MRTFB: variants seen among roughly 807,000 people sequenced by gnomAD.
The protein encoded by MRTFB is myocardin-related transcription factor B.
A neutral mutation model predicts 104.2 loss-of-function variants in MRTFB; 29 were observed. The ratio of observed to expected loss-of-function variants is 0.28; its 90% CI spans 0.21 to 0.38. The LOEUF is 0.38. MRTFB is among the 10% of genes least tolerant of loss of function. The pLI is 1.00. For missense variants in MRTFB, 1,270 were observed against 1,341.6 expected (o/e 0.95, Z 0.83); for synonymous variants, 535 against 519.5 (o/e 1.03, Z -0.41).
At chr16:14,065,327 G>A in the MRTFB span, among the ~76,000 whole-genome samples, 1 of 152,146 alleles carries the variant, frequency 6.6e-6, no homozygotes, top group African/African-American at 2.4e-5. Context: ...AAACTGTGCT[G>A]GAGCTGTTAA....
At chr16:14,158,438 G>C (rs1012789701) in intron 3 of MRTFB, among the ~76,000 whole-genome samples, 1 of 152,132 alleles carries the variant, frequency 6.6e-6, no homozygotes, top group Non-Finnish European at 1.5e-5. Context: ...TATAAATTGA[G>C]GGTCAGAGAA....
intron 3 of MRTFB, among the ~76,000 whole-genome samples, chr16:14,208,559 T>C (rs983701741): frequency 6.6e-6 from 1 of 152,254 alleles, no homozygotes; most frequent in Admixed American, 6.5e-5. Flanking sequence ...TATCAACCTT[T>C]GATCTGGAGA....
chr16:14,215,346 A>G (rs570919537), intron 6 of MRTFB, among the ~76,000 whole-genome samples: 8 of 152,134 alleles, frequency 5.3e-5, no homozygotes, highest in African/African-American at 1.9e-4. Context: ...ACCACTCCCA[A>G]CTGTATTTTA....
At chr16:14,260,680 A>G (rs1460180152) in intron 16 of MRTFB, among the ~76,000 whole-genome samples, 2 of 152,232 alleles carry the variant, frequency 1.3e-5, no homozygotes, top group Non-Finnish European at 2.9e-5. Context: ...TAAATTTACA[A>G]CAAAAAGGAA....
In MRTFB at chr16:14,260,926, A is replaced by G. The variant is rs2043749226; in HGVS notation, c.2782A>G (p.Lys928Glu). ...TTACACAGAGATCTCCCTCCCCATA[A>G]AAGAAGAACCTTCTCCTATTTCCAA... is the stretch of plus-strand genomic sequence containing the variant. ...IKSGEISLPI[K>E]EEPSPISKMR... Residue 928 changes from lysine (K) to glutamate (E), a missense_variant, in exon 17 of 17, where the codon AAA becomes GAA. By Grantham distance (56) the Lys-to-Glu change is moderately conservative. Around this residue, in one of 3 missense-constraint regions of MRTFB, gnomAD observed 1,144 missense variants for 1,131.5 expected, o/e 1.01. Transcript: ENST00000571589. 6.2e-7 allele frequency: 1 copy of G among 1,604,142 alleles called. No homozygotes were observed. The highest frequency in any genetic ancestry group is 8.5e-7 in the Non-Finnish European group (1 of 1,174,382).
At chr16:14,218,479 T>G (rs1351349083) in intron 7 of MRTFB, among the ~76,000 whole-genome samples, 1 of 152,122 alleles carries the variant, frequency 6.6e-6, no homozygotes, top group African/African-American at 2.4e-5. Flanking sequence ...TTTTTTCTTA[T>G]TTGTTGAGAA....
chr16:14,035,018 T>C, the MRTFB span, among the ~76,000 whole-genome samples: 1 of 152,192 alleles, frequency 6.6e-6, no homozygotes, highest in Non-Finnish European at 1.5e-5. Context: ...CTCCACCCCA[T>C]GGAGACAGAA....
intron 3 of MRTFB, among the ~76,000 whole-genome samples, chr16:14,172,094 G>A (rs2039441398): frequency 6.6e-6 from 1 of 152,096 alleles, no homozygotes; most frequent in Non-Finnish European, 1.5e-5. Flanking sequence ...ACAAAAAGAT[G>A]TCAGTAGAGA....
intron 2 of MRTFB, among the ~76,000 whole-genome samples, chr16:14,082,782 A>C (rs1451415491): frequency 1.3e-5 from 2 of 152,152 alleles, no homozygotes; most frequent in East Asian, 3.8e-4. Flanking sequence ...CTGTCTTAAT[A>C]AAATAATAAT....
At chr16:14,139,302 A>T (rs532392755) in intron 2 of MRTFB, among the ~76,000 whole-genome samples, 2 of 152,370 alleles carry the variant, frequency 1.3e-5, no homozygotes, top group African/African-American at 4.8e-5. Flanking sequence ...TGGGATGGCA[A>T]ATTAAAAGAT....
At chr16:14,051,806 C>T in the MRTFB span, among the ~76,000 whole-genome samples, 1 of 152,138 alleles carries the variant, frequency 6.6e-6, no homozygotes, top group African/African-American at 2.4e-5. Flanking sequence ...TCAGAATCCC[C>T]CAAACATCCT....
intron 13 of MRTFB, among the ~76,000 whole-genome samples, chr16:14,251,271 G>A (rs896806184): frequency 6.6e-6 from 1 of 151,772 alleles, no homozygotes; most frequent in East Asian, 1.9e-4. Context: ...CAGCTACTTG[G>A]GAGGCTGAGG....
chr16:14,054,849 A>C, the MRTFB span, among the ~76,000 whole-genome samples: 2 of 152,224 alleles, frequency 1.3e-5, no homozygotes, highest in African/African-American at 2.4e-5. Context: ...GAGGGTTTCC[A>C]GATTCACATT....
chr16:14,013,923 C>G, the MRTFB span, among the ~76,000 whole-genome samples: 1 of 152,186 alleles, frequency 6.6e-6, no homozygotes. Context: ...GAAGTCCACC[C>G]TCGCACCTCC....
At chr16:14,238,158 G>A (rs1309581037) in intron 9 of MRTFB, among the ~76,000 whole-genome samples, 2 of 152,166 alleles carry the variant, frequency 1.3e-5, no homozygotes, top group Non-Finnish European at 2.9e-5. Context: ...GTGGGTGGAG[G>A]TTGCTAGGGG....
At chr16:14,066,633 A>G (rs192965463), upstream of MRTFB, among the ~76,000 whole-genome samples, 88 of 151,274 alleles carry the variant, frequency 5.8e-4, no homozygotes, top group Admixed American at 4.6e-3. Flanking sequence ...TGGAAACCAT[A>G]CCTTAAACCT....
At chr16:14,133,305 A>G (rs2037536576) in intron 2 of MRTFB, among the ~76,000 whole-genome samples, 1 of 152,222 alleles carries the variant, frequency 6.6e-6, no homozygotes, top group Admixed American at 6.5e-5. Flanking sequence ...ATCATTTTTA[A>G]TGACTCCTCT....
the MRTFB span, among the ~76,000 whole-genome samples, chr16:14,042,846 C>G: frequency 1.3e-5 from 2 of 152,112 alleles, no homozygotes; most frequent in African/African-American, 4.8e-5. Flanking sequence ...TTGCTAATAC[C>G]CCAGACGGGA....
At chr16:14,098,202 C>T (rs1267623300) in intron 2 of MRTFB, among the ~76,000 whole-genome samples, 4 of 152,138 alleles carry the variant, frequency 2.6e-5, no homozygotes, top group African/African-American at 4.8e-5. Context: ...ATATTCCCAA[C>T]TGCAGTACAT....
Sources: allele counts gnomAD v4.1 joint callset (sites outside exome capture counted in the v4.1 genomes callset), GRCh38; gene constraint gnomAD v4.1.1; regional missense constraint gnomAD v4.1.1; transcripts MANE v1.5; gene names NCBI Gene and HGNC (gene_info 2026-07-23, HGNC 2026-07-21).